Variants in PPP1R17 observed in about 807,000 individuals in gnomAD.
PPP1R17 encodes G-substrate.
A neutral mutation model predicts 15.9 loss-of-function variants in PPP1R17; 12 were observed. The ratio of observed to expected loss-of-function variants is 0.75; its 90% CI spans 0.48 to 1.22. The LOEUF is 1.22. Ranked by LOEUF, PPP1R17 falls within the 50% of genes most tolerant of loss-of-function variation. The pLI is 0.00. For synonymous variants in PPP1R17, 63 were observed against 64.5 expected (o/e 0.98, Z 0.11); for missense variants, 211 against 187.3 (o/e 1.13, Z -0.74).
intron 4 of PPP1R17, among the ~76,000 whole-genome samples, chr7:31,699,962 T>G (rs1562701780): frequency 6.6e-6 from 1 of 152,002 alleles, no homozygotes; most frequent in South Asian, 2.1e-4. Flanking sequence ...CCCCTATCTC[T>G]CTCCCTCTCC....
chr7:31,702,597 A>G (rs768060374), intron 4 of PPP1R17, among the ~76,000 whole-genome samples: 8 of 152,176 alleles, frequency 5.3e-5, no homozygotes, highest in Non-Finnish European at 1.0e-4. Flanking sequence ...CAGCATGCAA[A>G]TACCCAAAAC....
chr7:31,707,344 G>GA lies in PPP1R17; in HGVS notation c.*67dup, dbSNP rs758642147. 4.5e-4 allele frequency: 618 copies of GA among 1,386,348 alleles called. 1 individual carries two copies. The highest frequency in any genetic ancestry group is 2.4e-4 in the Admixed American group (12 of 49,968). The allele number at this position is 1,386,348 out of a possible 1,614,324, so 85.9% of individuals were successfully genotyped here. A position where few individuals can be genotyped will look rare whatever the true frequency, so the allele number is the denominator to read the frequency against. ...GATTGGTTCCCTGTGGTGACCTAGA[G>GA]AAAAAATAGACTTGTTTCTGCTCTC... On this transcript the variant is annotated 3_prime_UTR_variant, in exon 5 of 5. Transcript: ENST00000342032.
chr7:31,707,810 T>C lies in PPP1R17; in HGVS notation c.*527T>C, dbSNP rs1793136878. On this transcript the variant is annotated 3_prime_UTR_variant, in exon 5 of 5. Transcript: ENST00000342032. ...TTAAGAGTCCAAATGTCTCTGGTGA[T>C]GTTCCTAAGACCCTTGTCCCAGATA... is the stretch of plus-strand genomic sequence containing the variant. 1 of 154,108 alleles carries C rather than the reference T, an allele frequency of 6.5e-6. No homozygotes were observed. The highest frequency in any genetic ancestry group is 1.4e-5 in the Non-Finnish European group (1 of 69,172). 9.5% of individuals were successfully genotyped at this position (154,108 alleles called of 1,614,324 possible).
rs1021490068 is a variant in PPP1R17 at position 31,690,780 on chromosome 7, G to A, written c.-36-1626G>A. Among the ~76,000 whole-genome samples, 3 of 152,274 alleles carry A rather than the reference G, an allele frequency of 2.0e-5. No individual in the cohort carries two copies. In the South Asian group the frequency reaches 6.2e-4, roughly 32 times the overall value. ...ACCTTCAGTAGATAGTAAGTGCGTG[G>A]CTTCAAATGATTACTCTGATTCTAA... On this transcript the variant is annotated intron_variant, in intron 1 of 4. Transcript: ENST00000342032.
intron 4 of PPP1R17, among the ~76,000 whole-genome samples, chr7:31,697,627 A>G (rs1441727626): frequency 6.8e-6 from 1 of 147,066 alleles, no homozygotes; most frequent in Admixed American, 6.6e-5. Context: ...TCTGTGAGAT[A>G]CAGTCCTTGT....
At chr7:31,692,311 A>G (rs1792390332) in intron 1 of PPP1R17, 95 bp from the exon 2 acceptor site, 1 of 714,734 alleles carries the variant, frequency 1.4e-6, no homozygotes. Context: ...TGGGAACACA[A>G]TAGCAGGTGC....
chr7:31,702,264 T>C (rs539698576), intron 4 of PPP1R17, among the ~76,000 whole-genome samples: 2 of 151,418 alleles, frequency 1.3e-5, no homozygotes, highest in South Asian at 2.1e-4. Context: ...AAGAAGAAAA[T>C]AGAAGCATAG....
chr7:31,687,512 T>C (rs1048018461), intron 1 of PPP1R17, among the ~76,000 whole-genome samples: 5 of 152,216 alleles, frequency 3.3e-5, no homozygotes, highest in African/African-American at 7.2e-5. Context: ...TGTAAAAGAC[T>C]GAACCCTCAC....
chr7:31,690,928 A>G (rs2128237970), intron 1 of PPP1R17, among the ~76,000 whole-genome samples: 1 of 152,264 alleles, frequency 6.6e-6, no homozygotes, highest in Middle Eastern at 3.4e-3. Context: ...GACTGGGCCC[A>G]TGACTCTGCC....
intron 4 of PPP1R17, among the ~76,000 whole-genome samples, chr7:31,703,883 T>C (rs1792957441): frequency 6.6e-6 from 1 of 152,142 alleles, no homozygotes; most frequent in Admixed American, 6.5e-5. Flanking sequence ...TTCAAAGGGG[T>C]CATCTCAAGC....
At chr7:31,692,883 C>T (rs1792417039) in intron 2 of PPP1R17, among the ~76,000 whole-genome samples, 1 of 152,202 alleles carries the variant, frequency 6.6e-6, no homozygotes, top group South Asian at 2.1e-4. Flanking sequence ...CACTTATACC[C>T]CATGTGCAGT....
Position 31,695,523 on chromosome 7 carries a change from A to C in PPP1R17, c.137A>C (p.Lys46Thr). 6.2e-7 allele frequency: 1 copy of C among 1,613,818 alleles called. No homozygotes were observed. The highest frequency in any genetic ancestry group is 2.2e-5 in the East Asian group (1 of 44,848). ...KDCDLKKKPRKGKNVQATLNV... is the reference protein window; with the variant it reads ...KDCDLKKKPRTGKNVQATLNV... ...TGTGATCTCAAAAAGAAGCCTAGAA[A>C]GGGAAAAAATGTACAGGCCACCCTG... The change falls in exon 3 of 5, where the codon AAG becomes ACG. Residue 46 changes from lysine (K) to threonine (T), a missense_variant. Coordinates refer to ENST00000342032, the MANE Select transcript of PPP1R17 (RefSeq NM_006658.5).
At chr7:31,694,157 AAT>A (rs1205958342) in intron 2 of PPP1R17, among the ~76,000 whole-genome samples, 1 of 152,224 alleles carries the variant, frequency 6.6e-6, no homozygotes, top group Admixed American at 6.5e-5. Context: ...TCATCTTTTA[AAT>A]ATGTTACTTA....
intron 1 of PPP1R17, among the ~76,000 whole-genome samples, chr7:31,687,983 T>A (rs1404191900): frequency 6.6e-6 from 1 of 152,174 alleles, no homozygotes; most frequent in Non-Finnish European, 1.5e-5. Flanking sequence ...AATGGGTTGG[T>A]TTTTGTCTTG....
At chr7:31,705,825 G>A (rs1583861021) in intron 4 of PPP1R17, among the ~76,000 whole-genome samples, 1 of 151,870 alleles carries the variant, frequency 6.6e-6, no homozygotes, top group Admixed American at 6.6e-5. Flanking sequence ...GGACCATGGA[G>A]GACTGGCCTT....
chr7:31,691,797 TAAAAA>T (rs377169335), intron 1 of PPP1R17, among the ~76,000 whole-genome samples: 7 of 86,558 alleles, frequency 8.1e-5, no homozygotes, highest in African/African-American at 1.8e-4. Context: ...ATGTAATGAT[TAAAAA>T]AAAAAAAAAA....
intron 1 of PPP1R17, among the ~76,000 whole-genome samples, chr7:31,691,696 T>A (rs1453995123): frequency 6.7e-6 from 1 of 148,696 alleles, no homozygotes; most frequent in Non-Finnish European, 1.5e-5. Flanking sequence ...TAAAGATCTA[T>A]CCAAAACCCA....
intron 1 of PPP1R17, among the ~76,000 whole-genome samples, chr7:31,690,203 A>G (rs1281670434): frequency 6.6e-6 from 1 of 152,380 alleles, no homozygotes; most frequent in East Asian, 1.9e-4. Flanking sequence ...GAATCTTTTC[A>G]TTATACAACG....
chr7:31,692,892 G>A (rs1233135818), intron 2 of PPP1R17, among the ~76,000 whole-genome samples: 1 of 152,222 alleles, frequency 6.6e-6, no homozygotes, highest in South Asian at 2.1e-4. Context: ...CCCATGTGCA[G>A]TGCCAATAAA....
Sources: allele counts gnomAD v4.1 joint callset (sites outside exome capture counted in the v4.1 genomes callset), GRCh38; gene constraint gnomAD v4.1.1; transcripts MANE v1.5; gene names NCBI Gene and HGNC (gene_info 2026-07-23, HGNC 2026-07-21).